PTCD1: variants seen among roughly 807,000 people sequenced by gnomAD.
PTCD1 encodes pentatricopeptide repeat-containing protein 1, mitochondrial.
In PTCD1, 50 loss-of-function variants were observed where a neutral mutation model predicts 53.4. The ratio of observed to expected loss-of-function variants is 0.94; its 90% CI spans 0.75 to 1.19. The LOEUF is 1.19. Ranked by LOEUF, PTCD1 falls within the 50% of genes most tolerant of loss-of-function variation. The pLI is 0.00. For synonymous variants in PTCD1, 413 were observed against 394.8 expected, an observed-to-expected ratio of 1.05 and a Z score of -0.55; for missense variants, 918 against 904.8, an observed-to-expected ratio of 1.01 and a Z score of -0.19.
chr7:99,435,441 C>A (rs986104216), intron 1 of PTCD1, among the ~76,000 whole-genome samples, 173 bp from the exon 2 acceptor site: 4 of 148,960 alleles, frequency 2.7e-5, no homozygotes, highest in Non-Finnish European at 5.9e-5. Flanking sequence ...GAGTTTGAGA[C>A]CAGCCTGGAC....
intron 1 of PTCD1, 129 bp from the exon 2 acceptor site, chr7:99,435,397 G>C (rs1796422039): frequency 8.1e-7 from 1 of 1,227,084 alleles, no homozygotes; most frequent in East Asian, 2.6e-5. Flanking sequence ...CCAGCACTTT[G>C]GGAGGTCGAG....
At chr7:99,421,186 T>C (rs1795798224) in intron 7 of PTCD1, among the ~76,000 whole-genome samples, 2 of 152,160 alleles carry the variant, frequency 1.3e-5, no homozygotes, top group South Asian at 2.1e-4. Flanking sequence ...ACTCCTATAA[T>C]CCCAGTGCTT....
chr7:99,432,918 A>G (rs1028599544), intron 3 of PTCD1: 5 of 383,674 alleles, frequency 1.3e-5, no homozygotes, highest in Admixed American at 1.1e-4. Flanking sequence ...ATATGGTGCT[A>G]CACACCTGTG....
rs1795690684 is a variant in PTCD1 at position 99,419,361 on chromosome 7, G to A, written c.*606C>T. 1 of 1,611,960 alleles carries A rather than the reference G, an allele frequency of 6.2e-7. No individual in the cohort carries two copies. Among genetic ancestry groups the A allele is most frequent in the East Asian group, 2.2e-5 (1 of 44,874 alleles). On this transcript the variant is annotated 3_prime_UTR_variant, in exon 8 of 8. Transcript: ENST00000292478. ...GTGCAGGGGCGAGCGTGGCGCAGTGGCATCGTCTCACTGTCCTCCTCCGTT... is the reference window on the plus strand; with the variant it reads ...GTGCAGGGGCGAGCGTGGCGCAGTGACATCGTCTCACTGTCCTCCTCCGTT...
rs1476620079 is a variant in PTCD1 at position 99,425,402 on chromosome 7, G to A, written c.1130C>T (p.Ala377Val). 1.2e-6 allele frequency: 2 copies of A among 1,614,032 alleles called. No individual in the cohort carries two copies. Among genetic ancestry groups the A allele is most frequent in the Non-Finnish European group, 1.7e-6 (2 of 1,180,044 alleles). ...AQAKAGNLMSAMLHVEALERQ... is the reference protein window; with the variant it reads ...AQAKAGNLMSVMLHVEALERQ... ...CTCCAGGGCCTCCACATGCAGCATG[G>A]CTGACATGAGGTTGCCTGCCTTGGC... The change falls in exon 6 of 8, where the codon GCC (alanine) becomes GTC (valine). Residue 377 changes from alanine (A) to valine (V), a missense_variant. Ala to Val is a moderately conservative substitution (Grantham distance 64, BLOSUM62 0). Coordinates refer to ENST00000292478, the MANE Select transcript of PTCD1 (RefSeq NM_015545.4).
intron 5 of PTCD1, among the ~76,000 whole-genome samples, chr7:99,427,053 C>T (rs1288280691): frequency 3.0e-4 from 45 of 150,682 alleles, no homozygotes; most frequent in African/African-American, 1.0e-3. Context: ...GGAGCGTCTC[C>T]GCCCGGCAGC....
At chr7:99,432,283 G>T (rs1008837460) in intron 3 of PTCD1, among the ~76,000 whole-genome samples, 2 of 152,210 alleles carry the variant, frequency 1.3e-5, no homozygotes, top group African/African-American at 4.8e-5. Context: ...CCTGGGAATG[G>T]AATGTCTTGG....
intron 5 of PTCD1, among the ~76,000 whole-genome samples, chr7:99,427,953 G>C (rs995630043): frequency 1.3e-5 from 2 of 150,742 alleles, no homozygotes; most frequent in Non-Finnish European, 2.9e-5. Context: ...AAGTACCCAG[G>C]GGCACAAACA....
chr7:99,419,501 C>A lies in PTCD1; in HGVS notation c.*466G>T, dbSNP rs369235347. 1.7e-5 allele frequency: 27 copies of A among 1,593,160 alleles called. No individual in the cohort carries two copies. The highest frequency in any genetic ancestry group is 3.3e-5 in the Admixed American group (2 of 59,894). ...CAGGTTCCTGCCTGTCACGCCACCC[C>A]CTTCCTGGGAGCAGCGAGCAGTGCC... is the stretch of plus-strand genomic sequence containing the variant. On this transcript the variant is annotated 3_prime_UTR_variant, in exon 8 of 8. Transcript: ENST00000292478.
At chr7:99,437,929 T>C (rs1487094428) in intron 1 of PTCD1, among the ~76,000 whole-genome samples, 1 of 151,902 alleles carries the variant, frequency 6.6e-6, no homozygotes, top group East Asian at 1.9e-4. Flanking sequence ...ACTCCCAAAG[T>C]GCTGAGGTTA....
chr7:99,429,947 C>A, intron 3 of PTCD1, 141 bp from the exon 4 acceptor site: 1 of 1,049,920 alleles, frequency 9.5e-7, no homozygotes, highest in Non-Finnish European at 1.4e-6. Flanking sequence ...GCCATGGACA[C>A]ATCAGAGCCC....
rs556087930 is a variant in PTCD1, at chr7:99,425,179, T to C, written c.1353A>G (p.Thr451=). ...TGGTCACCGTTCCAAAGGAGACCAC[T>C]GTAGGGGGAACGGCCCCGGGGGTCA... The part of the protein sequence containing the change: ...NLLTPGAVPP[T]VVSFGTVTTP... The change falls in exon 6 of 8, where the codon ACA becomes ACG. Residue 451 remains threonine, a synonymous_variant. Transcript: ENST00000292478. 1.2e-6 allele frequency: 2 copies of C among 1,613,422 alleles called. No homozygotes were observed. Among genetic ancestry groups the C allele is most frequent in the South Asian group, 2.2e-5 (2 of 91,082 alleles).
intron 3 of PTCD1, among the ~76,000 whole-genome samples, chr7:99,431,417 C>T (rs898786209): frequency 2.0e-5 from 3 of 152,066 alleles, no homozygotes; most frequent in East Asian, 1.9e-4. Flanking sequence ...TGTGAGCCAC[C>T]GCACCTGGCC....
At chr7:99,438,564 G>A (rs781224984) in intron 1 of PTCD1, 128 bp downstream of exon 1, 17 of 1,130,554 alleles carry the variant, frequency 1.5e-5, no homozygotes, top group Non-Finnish European at 1.9e-5. Context: ...TCTCCACACG[G>A]ACTTCTGCAG....
intron 1 of PTCD1, among the ~76,000 whole-genome samples, chr7:99,437,595 G>A (rs1396026158): frequency 6.6e-6 from 1 of 152,122 alleles, no homozygotes; most frequent in Non-Finnish European, 1.5e-5. Flanking sequence ...GAGCCACCGC[G>A]CCCGGCCGAC....
Sources: allele counts gnomAD v4.1 joint callset (sites outside exome capture counted in the v4.1 genomes callset), GRCh38; gene constraint gnomAD v4.1.1; transcripts MANE v1.5; gene names NCBI Gene and HGNC (gene_info 2026-07-23, HGNC 2026-07-21).